ZDHHC19: variants seen among roughly 807,000 people sequenced by gnomAD.
The protein encoded by ZDHHC19 is palmitoyltransferase ZDHHC19.
ZDHHC19 carries 30 observed loss-of-function variants against 33.9 expected under a neutral mutation model. The ratio of observed to expected loss-of-function variants is 0.88; its 90% CI spans 0.66 to 1.20. ZDHHC19 has a LOEUF of 1.20. Ranked by LOEUF, ZDHHC19 falls within the 50% of genes most tolerant of loss-of-function variation. The probability of loss-of-function intolerance (pLI) is 0.00; values close to 1 mark genes in which losing one functional copy is unlikely to be tolerated. For synonymous variants in ZDHHC19, 178 were observed against 167.6 expected (o/e 1.06, Z -0.48); for missense variants, 364 against 401.1 (o/e 0.91, Z 0.79).
At position 196,203,862 on chromosome 3, in the gene ZDHHC19, G is replaced by T. The variant is rs550922720; in HGVS notation, c.687+3536C>A. ...TATGGGTGTGGTGGAGTGATTGAAG[G>T]GTGACTGGGATGGGAGGTGGTGGGC... is the stretch of plus-strand genomic sequence containing the variant. On this transcript the variant is annotated intron_variant, in intron 5 of 7. Coordinates refer to ENST00000296326, the MANE Select transcript of ZDHHC19 (RefSeq NM_001039617.2). The surrounding 1 kb of genome is among the most constrained non-coding windows in gnomAD (Gnocchi z 4.3). Among the ~76,000 whole-genome samples, 3 of 152,148 alleles carry T rather than the reference G, an allele frequency of 2.0e-5. No homozygotes were observed. The highest frequency in any genetic ancestry group is 4.4e-5 in the Non-Finnish European group (3 of 68,030).
chr3:196,207,176 G>T (rs532262542), intron 5 of ZDHHC19, among the ~76,000 whole-genome samples: 5 of 152,318 alleles, frequency 3.3e-5, no homozygotes, highest in Middle Eastern at 3.4e-3. Context: ...ATCGCTCAAA[G>T]AATCCAAACC....
In ZDHHC19 at chr3:196,207,474, A is replaced by G. The variant is rs1437375257; in HGVS notation, c.611T>C (p.Leu204Pro). ...CAGCAGGAGGGACAGCGGCACCAGG[A>G]GGCCCGCGGCGGACACGGCCACCAC... ...AIVVAVSAAG[L>P]LVPLSLLLLI... is the part of the protein sequence containing the mutation. The change falls in exon 5 of 8, where the codon CTC becomes CCC. Residue 204 changes from leucine (L) to proline (P), a missense_variant. Coordinates refer to ENST00000296326, the MANE Select transcript of ZDHHC19 (RefSeq NM_001039617.2). 5.7e-6 allele frequency: 9 copies of G among 1,570,490 alleles called. No homozygotes were observed. Among genetic ancestry groups the G allele is most frequent in the Non-Finnish European group, 6.0e-6 (7 of 1,158,832 alleles).
chr3:196,210,527 G>T, intron 2 of ZDHHC19, 89 bp downstream of exon 2: 1 of 1,571,742 alleles, frequency 6.4e-7, no homozygotes, highest in East Asian at 2.3e-5. Flanking sequence ...GCTGGAGGAG[G>T]GTCAGTAGGA....
At chr3:196,199,161 T>C (rs148337823) in intron 5 of ZDHHC19, among the ~76,000 whole-genome samples, 60 of 152,354 alleles carry the variant, frequency 3.9e-4, no homozygotes, top group African/African-American at 1.3e-3. Context: ...CATGATCACA[T>C]GGCCCAGGAA....
At chr3:196,208,358 C>G (rs1722949584) in intron 4 of ZDHHC19, 30 bp downstream of exon 4, 1 of 1,610,930 alleles carries the variant, frequency 6.2e-7, no homozygotes, top group Non-Finnish European at 8.5e-7. Context: ...GTCCCCGCCT[C>G]CTCTCCTGCT....
Position 196,211,248 on chromosome 3 carries a change from G to T in ZDHHC19, c.68C>A (p.Pro23His). 2 of 1,614,174 alleles carry T rather than the reference G, an allele frequency of 1.2e-6. No homozygotes were observed. Among genetic ancestry groups the T allele is most frequent in the African/African-American group, 2.7e-5 (2 of 75,054 alleles). ...EPHPLPLVPR[P>H]WFLPSLFAAF... Reference sequence around the variant, plus strand: ...AGCAAAGAGGCTAGGGAGGAACCAGGGACGTGGGACCAGAGGCAGGGGATG... The same window carrying T: ...AGCAAAGAGGCTAGGGAGGAACCAGTGACGTGGGACCAGAGGCAGGGGATG... The change falls in exon 1 of 8, where the codon CCC (proline) becomes CAC (histidine). Residue 23 changes from proline to histidine, a missense_variant. Physicochemically the swap from Pro to His is moderately conservative, Grantham distance 77. Transcript: ENST00000296326.
intron 6 of ZDHHC19, 118 bp downstream of exon 6, chr3:196,198,671 C>T (rs1380534329): frequency 6.3e-7 from 1 of 1,581,152 alleles, no homozygotes; most frequent in African/African-American, 1.4e-5. Context: ...TGGAGAAAAC[C>T]CCAGAGGAGC....
chr3:196,208,333 G>A (rs1230621696), intron 4 of ZDHHC19, 55 bp downstream of exon 4: 1 of 1,509,860 alleles, frequency 6.6e-7, no homozygotes, highest in South Asian at 1.2e-5. Context: ...GCCCTCTGCA[G>A]CCCCCTCCTT....
chr3:196,203,175 C>A lies in ZDHHC19; in HGVS notation c.687+4223G>T, dbSNP rs560492154. 2.0e-5 allele frequency among the ~76,000 whole-genome samples: 3 copies of A among 151,744 alleles called. No homozygotes were observed. The South Asian group carries it at 6.2e-4, about 32-fold the overall frequency. On this transcript the variant is annotated intron_variant, in intron 5 of 7. Coordinates refer to ENST00000296326, the MANE Select transcript of ZDHHC19 (RefSeq NM_001039617.2). The surrounding 1 kb of genome is among the most constrained non-coding windows in gnomAD (Gnocchi z 4.3). ...ACTCGGGAGGCTGAGGCAGGAGAATCGCTTGAACCCAGGAGGCCAAGATCA... is the reference window on the plus strand; with the variant it reads ...ACTCGGGAGGCTGAGGCAGGAGAATAGCTTGAACCCAGGAGGCCAAGATCA...
intron 5 of ZDHHC19, among the ~76,000 whole-genome samples, chr3:196,206,533 T>G (rs1413786365): frequency 6.6e-6 from 1 of 151,550 alleles, no homozygotes; most frequent in Non-Finnish European, 1.5e-5. Context: ...TTTAATTTTT[T>G]GTAGAGATGA....
At chr3:196,200,327 G>GATATATATATATATATATATATGTATAT (rs374551956) in intron 5 of ZDHHC19, among the ~76,000 whole-genome samples, 1 of 116,798 alleles carries the variant, frequency 8.6e-6, no homozygotes, top group Non-Finnish European at 1.7e-5. Flanking sequence ...AAAATTTAGG[G>GATATATATATATATATATATATGTATAT]ATATATATAT....
At chr3:196,204,309 T>C (rs1320894837) in intron 5 of ZDHHC19, among the ~76,000 whole-genome samples, 4 of 152,144 alleles carry the variant, frequency 2.6e-5, no homozygotes, top group African/African-American at 4.8e-5. Flanking sequence ...GAAATACATA[T>C]AAATCTAACA....
At chr3:196,210,788 G>A (rs6795963) in intron 1 of ZDHHC19, 51 bp from the exon 2 acceptor site, 244,888 of 1,594,012 alleles carry the variant, frequency 0.15, 20,303 homozygotes, top group East Asian at 0.34. Flanking sequence ...CAAAGCCCCC[G>A]GCCCAAGGCC....
At chr3:196,206,103 G>A (rs1387361643) in intron 5 of ZDHHC19, among the ~76,000 whole-genome samples, 1 of 152,134 alleles carries the variant, frequency 6.6e-6, no homozygotes, top group Non-Finnish European at 1.5e-5. Flanking sequence ...CCAGGCTGGA[G>A]TGCAATGACA....
chr3:196,209,536 G>A (rs1375447382), intron 2 of ZDHHC19, 21 bp from the exon 3 acceptor site: 5 of 1,610,980 alleles, frequency 3.1e-6, no homozygotes, highest in Non-Finnish European at 4.2e-6. Flanking sequence ...AAGAGGATTG[G>A]GCACAGCAGA....
chr3:196,201,910 A>G (rs1577318456), intron 5 of ZDHHC19, among the ~76,000 whole-genome samples: 1 of 151,302 alleles, frequency 6.6e-6, no homozygotes, highest in South Asian at 2.1e-4. Flanking sequence ...ATTCCCCGCC[A>G]GGGATCAGGG....
In ZDHHC19 at chr3:196,198,519, C is replaced by T. The variant is rs778306494; in HGVS notation, c.774-68G>A. 8 of 1,588,002 alleles carry T rather than the reference C, an allele frequency of 5.0e-6. No homozygotes were observed. In the East Asian group the frequency reaches 1.8e-4, roughly 37 times the overall value. On this transcript the variant is annotated intron_variant, in intron 6 of 7. Transcript: ENST00000296326. Reference sequence around the variant, plus strand: ...GGTCCGGCTCCCCTGCCCGCCTCAGCTTGGGAAGCACACGGCCCAGGGCTT... The same window carrying T: ...GGTCCGGCTCCCCTGCCCGCCTCAGTTTGGGAAGCACACGGCCCAGGGCTT...
In ZDHHC19 at chr3:196,200,342, ATGTATATATATATAT is replaced by A. The variant is rs1269915215; in HGVS notation, c.688-1483_688-1469del. On this transcript the variant is annotated intron_variant, in intron 5 of 7. Coordinates refer to ENST00000296326, the MANE Select transcript of ZDHHC19 (RefSeq NM_001039617.2). Reference sequence around the variant, plus strand: ...AAAATTTAGGGATATATATATATATATGTATATATATATATAATTTTTTTTTTTTTGAGATGGAGT... The same window carrying A: ...AAAATTTAGGGATATATATATATATAAATTTTTTTTTTTTTGAGATGGAGT... Among the ~76,000 whole-genome samples the A allele has an allele frequency of 2.8e-4, 38 of 133,982 alleles. 2 individuals are homozygous for A. The highest frequency in any genetic ancestry group is 5.0e-4 in the Admixed American group (6 of 12,100). 87.9% of individuals were successfully genotyped at this position (133,982 alleles called of 152,430 possible). A position where few individuals can be genotyped will look rare whatever the true frequency, so the allele number is the denominator to read the frequency against.
intron 6 of ZDHHC19, 130 bp from the exon 7 acceptor site, chr3:196,198,581 T>A: frequency 6.4e-7 from 1 of 1,550,858 alleles, no homozygotes; most frequent in Non-Finnish European, 8.7e-7. Flanking sequence ...TCATCCAGGA[T>A]GCAGCAGCCC....
Sources: allele counts gnomAD v4.1 joint callset (sites outside exome capture counted in the v4.1 genomes callset), GRCh38; gene constraint gnomAD v4.1.1; non-coding constraint Gnocchi (gnomAD v3.1); transcripts MANE v1.5; gene names NCBI Gene and HGNC (gene_info 2026-07-23, HGNC 2026-07-21).